GCH1: variants seen among roughly 807,000 people sequenced by gnomAD.
GCH1 encodes the protein GTP cyclohydrolase 1.
In GCH1, 5 loss-of-function variants were observed where a neutral mutation model predicts 25.9. That is an observed-to-expected ratio of 0.19 (90% CI 0.10 to 0.41). GCH1 has a LOEUF of 0.41. Among genes scored for constraint, GCH1 ranks in the 10% least tolerant of loss-of-function variants. The probability of loss-of-function intolerance (pLI) is 1.00; values close to 1 mark genes in which losing one functional copy is unlikely to be tolerated. For synonymous variants in GCH1, 159 were observed against 129.6 expected, an observed-to-expected ratio of 1.23 and a Z score of -1.54; for missense variants, 261 against 336.5, an observed-to-expected ratio of 0.78 and a Z score of 1.75.
intron 3 of GCH1, among the ~76,000 whole-genome samples, chr14:54,848,085 A>G (rs1014893317): frequency 6.6e-6 from 1 of 151,960 alleles, no homozygotes; most frequent in East Asian, 1.9e-4. Flanking sequence ...AAGAAATAAA[A>G]GCCTCCTGAT....
chr14:54,896,982 T>G (rs563633785), intron 1 of GCH1, among the ~76,000 whole-genome samples: 1 of 149,466 alleles, frequency 6.7e-6, no homozygotes, highest in African/African-American at 2.5e-5. Context: ...TGTGATAGAC[T>G]GATCTTATCC....
chr14:54,898,974 G>C (rs1176265310), intron 1 of GCH1, among the ~76,000 whole-genome samples: 3 of 151,994 alleles, frequency 2.0e-5, no homozygotes, highest in Admixed American at 2.0e-4. Context: ...TGGGGGAGAC[G>C]AGAGGAAAAA....
chr14:54,853,316 C>T (rs2039762517), intron 3 of GCH1, among the ~76,000 whole-genome samples: 1 of 152,176 alleles, frequency 6.6e-6, no homozygotes, highest in African/African-American at 2.4e-5. Context: ...GAAGGCCACA[C>T]AGGTAGTACT....
rs566516884 is a variant in GCH1 at position 54,897,731 on chromosome 14, C to T, written c.343+4590G>A. On this transcript the variant is annotated intron_variant, in intron 1 of 5. Transcript: ENST00000491895. ...CAGACTCTCTGGATTCAAATACCAG[C>T]TCTACTACTTGTGTCAACCTCTCTG... Among the ~76,000 whole-genome samples, 21 of 152,284 alleles carry T rather than the reference C, an allele frequency of 1.4e-4. No individual in the cohort carries two copies. In the South Asian group the frequency reaches 4.1e-3, roughly 30 times the overall value.
At chr14:54,864,395 TATG>T (rs994541731) in intron 2 of GCH1, among the ~76,000 whole-genome samples, 5 of 152,154 alleles carry the variant, frequency 3.3e-5, no homozygotes, top group African/African-American at 1.2e-4. Flanking sequence ...TAAATAAAAT[TATG>T]ATGGGGGTAG....
At chr14:54,879,670 G>A (rs141691618) in intron 1 of GCH1, among the ~76,000 whole-genome samples, 83 of 152,112 alleles carry the variant, frequency 5.5e-4, no homozygotes, top group African/African-American at 1.9e-3. Flanking sequence ...AATGTTACAT[G>A]TTGTTTGTAA....
At chr14:54,874,022 T>C (rs80200535) in intron 1 of GCH1, among the ~76,000 whole-genome samples, 68,655 of 151,808 alleles carry the variant, frequency 0.45, 17,181 homozygotes, top group African/African-American at 0.67. Flanking sequence ...GATACCAAAG[T>C]CTGGCAGAGA....
At chr14:54,866,924 A>C (rs1205622817) in intron 1 of GCH1, among the ~76,000 whole-genome samples, 2 of 152,152 alleles carry the variant, frequency 1.3e-5, no homozygotes, top group Admixed American at 6.5e-5. Flanking sequence ...GCGCAGTGTC[A>C]CTCACTGAGT....
At chr14:54,895,158 T>A (rs1300570602) in intron 1 of GCH1, among the ~76,000 whole-genome samples, 1 of 152,248 alleles carries the variant, frequency 6.6e-6, no homozygotes, top group Non-Finnish European at 1.5e-5. Context: ...AAACAAAGTA[T>A]CTAATTGCCT....
At chr14:54,854,732 A>T (rs2039783282) in intron 3 of GCH1, among the ~76,000 whole-genome samples, 2 of 152,244 alleles carry the variant, frequency 1.3e-5, no homozygotes, top group Admixed American at 6.5e-5. Context: ...TAAGAACAGG[A>T]AGTGTCTGAA....
chr14:54,887,727 A>G (rs1342775896), intron 1 of GCH1, among the ~76,000 whole-genome samples: 1 of 152,178 alleles, frequency 6.6e-6, no homozygotes, highest in African/African-American at 2.4e-5. Flanking sequence ...GTGACATTTC[A>G]CCTCTAAATA....
intron 1 of GCH1, among the ~76,000 whole-genome samples, chr14:54,870,210 T>C (rs2040049564): frequency 6.6e-6 from 1 of 151,918 alleles, no homozygotes; most frequent in Non-Finnish European, 1.5e-5. Context: ...TCAAACATAA[T>C]TTTTAGGCTG....
At chr14:54,870,912 A>G (rs1257224562) in intron 1 of GCH1, among the ~76,000 whole-genome samples, 2 of 152,154 alleles carry the variant, frequency 1.3e-5, no homozygotes, top group African/African-American at 4.8e-5. Context: ...CGTAGACTCC[A>G]CCTCTGGGGG....
At chr14:54,867,121 C>T (rs1461764147) in intron 1 of GCH1, among the ~76,000 whole-genome samples, 1 of 152,106 alleles carries the variant, frequency 6.6e-6, no homozygotes, top group Non-Finnish European at 1.5e-5. Flanking sequence ...AAGATATATT[C>T]CTGGAAGGAA....
chr14:54,859,211 A>G lies in GCH1; in HGVS notation c.509+470T>C, dbSNP rs145736813. Reference sequence around the variant, plus strand: ...AGGGAAGTTTCATTACAAGTCTGAAAGCAGTGTTGTATGAAAGCAAAGAAG... The same window carrying G: ...AGGGAAGTTTCATTACAAGTCTGAAGGCAGTGTTGTATGAAAGCAAAGAAG... On this transcript the variant is annotated intron_variant, in intron 3 of 5. Coordinates refer to ENST00000491895, the MANE Select transcript of GCH1 (RefSeq NM_000161.3). 2.4e-3 allele frequency: 422 copies of G among 176,890 alleles called. 2 individuals carry two copies. Among genetic ancestry groups the G allele is most frequent in the African/African-American group, 9.2e-3 (389 of 42,098 alleles). The allele number at this position is 176,890 out of a possible 1,614,324, so 11.0% of individuals were successfully genotyped here.
intron 1 of GCH1, among the ~76,000 whole-genome samples, chr14:54,901,638 G>C (rs568496607): frequency 3.9e-5 from 6 of 152,236 alleles, no homozygotes; most frequent in African/African-American, 1.2e-4. Flanking sequence ...GGTTGGGGGT[G>C]GGGGGAGGAA....
chr14:54,861,300 T>A (rs186792954), intron 2 of GCH1, among the ~76,000 whole-genome samples: 1 of 152,284 alleles, frequency 6.6e-6, no homozygotes, highest in Non-Finnish European at 1.5e-5. Flanking sequence ...AAAGAAAAAT[T>A]AGAGAGTTAA....
chr14:54,899,993 T>C (rs1449571038), intron 1 of GCH1, among the ~76,000 whole-genome samples: 1 of 151,334 alleles, frequency 6.6e-6, no homozygotes, highest in African/African-American at 2.4e-5. Context: ...GCTTCCTGAG[T>C]AGCTGGGATT....
rs192243282 is a variant in GCH1, at chr14:54,879,029, G to A, written c.344-13593C>T. Among the ~76,000 whole-genome samples the A allele has an allele frequency of 3.4e-4, 51 of 152,152 alleles. 1 individual carries two copies. The highest frequency in any genetic ancestry group is 5.9e-4 in the Admixed American group (9 of 15,268). On this transcript the variant is annotated intron_variant, in intron 1 of 5. Coordinates refer to ENST00000491895, the MANE Select transcript of GCH1 (RefSeq NM_000161.3). ...CCTACCTCAGCCTCCCAAAGTGCTC[G>A]AATTACAGGTGTGAGCCACCACGCT...
Sources: allele counts gnomAD v4.1 joint callset (sites outside exome capture counted in the v4.1 genomes callset), GRCh38; gene constraint gnomAD v4.1.1; transcripts MANE v1.5; gene names NCBI Gene and HGNC (gene_info 2026-07-23, HGNC 2026-07-21).